STAG1: variants seen among roughly 807,000 people sequenced by gnomAD.
STAG1 encodes cohesin subunit SA-1.
A neutral mutation model predicts 170.9 loss-of-function variants in STAG1; 26 were observed. The observed-to-expected ratio is 0.15, with a 90% CI of 0.11 to 0.21. The LOEUF (loss-of-function observed/expected upper bound fraction) is 0.21. Ranked by LOEUF, STAG1 falls within the 10% of genes least tolerant of loss-of-function variation. STAG1 has a pLI of 1.00. For synonymous variants in STAG1, 514 were observed against 497.7 expected (o/e 1.03, Z -0.44); for missense variants, 964 against 1,509.5 (o/e 0.64, Z 5.99).
At chr3:136,646,902 A>G (rs1003985194) in intron 1 of STAG1, among the ~76,000 whole-genome samples, 1 of 152,004 alleles carries the variant, frequency 6.6e-6, no homozygotes, top group Non-Finnish European at 1.5e-5. Context: ...ACAGAGCGAG[A>G]CTCCATCTGA....
rs138092731 is a variant in STAG1, at chr3:136,566,701, T to C, written c.394+2064A>G. On this transcript the variant is annotated intron_variant, in intron 5 of 33. Coordinates refer to ENST00000383202, the MANE Select transcript of STAG1 (RefSeq NM_005862.3). ...AGAGTATAGAAGAGTACAATTCCTA[T>C]AGCTGACGATTTGGCAGTATCTAAT... 2.6e-4 allele frequency among the ~76,000 whole-genome samples: 40 copies of C among 152,334 alleles called. No individual in the cohort carries two copies. The East Asian group carries it at 7.7e-3, about 29-fold the overall frequency.
chr3:136,665,548 G>C (rs1172614791), intron 1 of STAG1, among the ~76,000 whole-genome samples: 1 of 152,132 alleles, frequency 6.6e-6, no homozygotes, highest in Admixed American at 6.6e-5. Context: ...GGGAGGACGA[G>C]ACAGGCAGAT....
chr3:136,656,876 G>T (rs1941396083), intron 1 of STAG1, among the ~76,000 whole-genome samples: 1 of 151,818 alleles, frequency 6.6e-6, no homozygotes, highest in South Asian at 2.1e-4. Context: ...TACGTATCAA[G>T]ACCTTTAAAA....
At chr3:136,736,602 C>T in intron 1 of STAG1, 1 of 1,577,892 alleles carries the variant, frequency 6.3e-7, no homozygotes, top group South Asian at 1.1e-5. Context: ...GTCCACACAA[C>T]CATCTCGACT....
intron 14 of STAG1, among the ~76,000 whole-genome samples, chr3:136,448,155 A>T (rs2088838215): frequency 6.6e-6 from 1 of 152,330 alleles, no homozygotes. Flanking sequence ...TTTTACATGC[A>T]CTGCAAACTG....
At chr3:136,537,596 G>A (rs1935700313) in intron 6 of STAG1, among the ~76,000 whole-genome samples, 1 of 150,828 alleles carries the variant, frequency 6.6e-6, no homozygotes, top group Non-Finnish European at 1.5e-5. Context: ...TGCCTCCTGG[G>A]TTCAAGTGAT....
In STAG1 at chr3:136,422,590, C is replaced by T; in HGVS notation, c.1857G>A (p.Gln619=). The T allele has an allele frequency of 6.2e-7, 1 of 1,613,868 alleles. No individual in the cohort carries two copies. The highest frequency in any genetic ancestry group is 8.5e-7 in the Non-Finnish European group (1 of 1,179,946). The change falls in exon 19 of 34, where the codon CAG becomes CAA. Residue 619 remains glutamine, a synonymous_variant. Coordinates refer to ENST00000383202, the MANE Select transcript of STAG1 (RefSeq NM_005862.3). ...MEKHLDALLK[Q]IKFVVEKHVE... ...CGTGTTTCTCCACAACAAACTTAAT[C>T]TGTTTTAATAAAGCATCCAGATGCT... is the stretch of plus-strand genomic sequence containing the variant.
chr3:136,598,593 A>AT (rs944594268), intron 4 of STAG1, among the ~76,000 whole-genome samples: 95 of 151,818 alleles, frequency 6.3e-4, no homozygotes, highest in African/African-American at 2.2e-3. Context: ...CGCCCGGCTA[A>AT]TTTTTTGTAT....
intron 6 of STAG1, among the ~76,000 whole-genome samples, chr3:136,536,091 T>C (rs961433575): frequency 1.3e-5 from 2 of 152,214 alleles, no homozygotes; most frequent in African/African-American, 4.8e-5. Context: ...GTATTTCATC[T>C]AGTAACCACT....
At chr3:136,371,185 T>C (rs577546384) in intron 23 of STAG1, among the ~76,000 whole-genome samples, 178 of 152,388 alleles carry the variant, frequency 1.2e-3, no homozygotes, top group African/African-American at 2.5e-3. Context: ...TCATATCCTT[T>C]GTCCACTTTT....
intron 1 of STAG1, among the ~76,000 whole-genome samples, chr3:136,657,008 G>C (rs957540302): frequency 2.9e-4 from 43 of 148,922 alleles, no homozygotes; most frequent in Non-Finnish European, 5.6e-4. Context: ...CTTTATAATA[G>C]CCAAAAAAAA....
intron 6 of STAG1, among the ~76,000 whole-genome samples, chr3:136,536,843 T>C (rs1029537639): frequency 1.1e-4 from 16 of 152,128 alleles, no homozygotes; most frequent in Non-Finnish European, 1.9e-4. Flanking sequence ...ATCTGTCATA[T>C]AGGGATAACA....
intron 6 of STAG1, among the ~76,000 whole-genome samples, chr3:136,535,656 C>CT (rs2107716846): frequency 6.6e-6 from 1 of 152,302 alleles, no homozygotes; most frequent in Non-Finnish European, 1.5e-5. Flanking sequence ...AAGTGAGACT[C>CT]TGTCTCAAAA....
chr3:136,524,946 C>A (rs978587511), intron 6 of STAG1, among the ~76,000 whole-genome samples: 5 of 152,216 alleles, frequency 3.3e-5, no homozygotes, highest in South Asian at 2.1e-4. Context: ...GGATGAAGCC[C>A]ACTTGATCAT....
rs1223402766 is a variant in STAG1, at chr3:136,448,086, C to T, written c.1428+3947G>A. On this transcript the variant is annotated intron_variant, in intron 14 of 33. Transcript: ENST00000383202. Reference sequence around the variant, plus strand: ...AGGTTGAAACATCTTAAAAAATCACCTTTTGGTACCAAAAGAAAACAAAGT... The same window carrying T: ...AGGTTGAAACATCTTAAAAAATCACTTTTTGGTACCAAAAGAAAACAAAGT... Among the ~76,000 whole-genome samples, 3 of 152,260 alleles carry T rather than the reference C, an allele frequency of 2.0e-5. No homozygotes were observed. The East Asian group carries it at 5.8e-4, about 29-fold the overall frequency.
At chr3:136,635,860 A>T (rs1940530750) in intron 1 of STAG1, among the ~76,000 whole-genome samples, 1 of 152,280 alleles carries the variant, frequency 6.6e-6, no homozygotes, top group Non-Finnish European at 1.5e-5. Context: ...AAAACACAGT[A>T]TCATTTGCAT....
At chr3:136,470,087 T>C (rs1009043197) in intron 12 of STAG1, among the ~76,000 whole-genome samples, 2 of 152,198 alleles carry the variant, frequency 1.3e-5, no homozygotes, top group Non-Finnish European at 2.9e-5. Context: ...AAGGACTTCA[T>C]GTCTAAAACA....
rs74683433 is a variant in STAG1, at chr3:136,573,398, A to T, written c.298-4537T>A. On this transcript the variant is annotated intron_variant, in intron 4 of 33. Coordinates refer to ENST00000383202, the MANE Select transcript of STAG1 (RefSeq NM_005862.3). ...GGCATATAATCAAATTGTGCTGAAA[A>T]TTTTCAAAAAGAAAATTCAAGCAAC... Among the ~76,000 whole-genome samples the T allele has an allele frequency of 8.2e-4, 125 of 152,180 alleles. No homozygotes were observed. The East Asian group carries it at 0.021, about 25-fold the overall frequency.
intron 6 of STAG1, among the ~76,000 whole-genome samples, chr3:136,522,085 T>C (rs1934708081): frequency 6.6e-6 from 1 of 152,242 alleles, no homozygotes; most frequent in African/African-American, 2.4e-5. Flanking sequence ...GGTTTCTCTG[T>C]CTAGTGTAAG....
Sources: allele counts gnomAD v4.1 joint callset (sites outside exome capture counted in the v4.1 genomes callset), GRCh38; gene constraint gnomAD v4.1.1; transcripts MANE v1.5; gene names NCBI Gene and HGNC (gene_info 2026-07-23, HGNC 2026-07-21).